Variants in GRIP2 observed in about 807,000 individuals in gnomAD.
GRIP2 encodes glutamate receptor-interacting protein 2.
Under a neutral mutation model 108.3 loss-of-function variants are expected in GRIP2, and 58 were observed. The observed-to-expected ratio is 0.54, with a 90% confidence interval of 0.43 to 0.67. The LOEUF (loss-of-function observed/expected upper bound fraction) is 0.67, where lower values mean the gene tolerates loss of function less well. Ranked by LOEUF, GRIP2 falls within the 30% of genes least tolerant of loss-of-function variation. The pLI is 0.00. For missense variants in GRIP2, 1,278 were observed against 1,430.6 expected (o/e 0.89, Z 1.72); for synonymous variants, 586 against 598.2 (o/e 0.98, Z 0.30).
Position 14,494,610 on chromosome 3 carries a change from G to A in GRIP2, c.2970+233C>T, listed in dbSNP as rs556293720. ...AGATGGGCGGATGCTCCATCAGCCCGGGACAAGAAGGCCCCCACCAGCCCA... is the reference window on the plus strand; with the variant it reads ...AGATGGGCGGATGCTCCATCAGCCCAGGACAAGAAGGCCCCCACCAGCCCA... On this transcript the variant is annotated intron_variant, in intron 23 of 23. Coordinates refer to ENST00000621039, the MANE Select transcript of GRIP2 (RefSeq NM_001080423.4). Among the ~76,000 whole-genome samples, 6 of 152,328 alleles carry A rather than the reference G, an allele frequency of 3.9e-5. No homozygotes were observed. The South Asian group carries it at 8.3e-4, about 21-fold the overall frequency.
chr3:14,591,725 G>T, the GRIP2 span, among the ~76,000 whole-genome samples: 1 of 152,204 alleles, frequency 6.6e-6, no homozygotes, highest in Non-Finnish European at 1.5e-5. Flanking sequence ...TGATTTCAGA[G>T]AAAGCTGTGG....
chr3:14,517,814 T>A lies in GRIP2; in HGVS notation c.1114A>T (p.Met372Leu). Residue 372 changes from methionine to leucine, a missense_variant, in exon 10 of 24, where the codon ATG (methionine) becomes TTG (leucine). Transcript: ENST00000621039. ...CCAGCAGGTGTGGCCCAGGTGGGCA[T>A]CCTGCAGTGGCCGGGCCGGGGGCTG... The part of the protein sequence containing the change: ...CHSPRPGHCR[M>L]PTWATPAGQD... 6.2e-7 allele frequency: 1 copy of A among 1,608,014 alleles called. No individual in the cohort carries two copies. The highest frequency in any genetic ancestry group is 1.7e-5 in the Admixed American group (1 of 59,166).
At chr3:14,538,903 G>C (rs747770879) in intron 1 of GRIP2, among the ~76,000 whole-genome samples, 2 of 152,218 alleles carry the variant, frequency 1.3e-5, no homozygotes, top group African/African-American at 2.4e-5. Flanking sequence ...TGAGGAGGGG[G>C]AGACACCTCC....
chr3:14,586,806 G>C, the GRIP2 span, among the ~76,000 whole-genome samples: 2 of 152,184 alleles, frequency 1.3e-5, no homozygotes, highest in East Asian at 3.9e-4. Context: ...AACCATGGGG[G>C]AACAGGTAAA....
chr3:14,602,016 G>C, the GRIP2 span: 1 of 152,340 alleles, frequency 6.6e-6, no homozygotes, highest in African/African-American at 2.4e-5. This position sits in a 1 kb window ranked among gnomAD's most constrained non-coding sequence, Gnocchi z 4.7. Flanking sequence ...GCCCTCCTAA[G>C]GGGGTGATTG....
Position 14,506,945 on chromosome 3 carries a change from C to T in GRIP2, c.2254G>A (p.Glu752Lys). The change falls in exon 19 of 24, where the codon GAG becomes AAG. Residue 752 changes from glutamate (E) to lysine (K), a missense_variant. Physicochemically the swap from Glu to Lys is moderately conservative, Grantham distance 56. Transcript: ENST00000621039. ...LLPRKSGSLS[E>K]TSDADEDPAD... is the part of the protein sequence containing the mutation. Reference sequence around the variant, plus strand: ...GGGTCCTCATCAGCATCACTGGTCTCACTGAGGCTGCCCGACTTGCGGGGT... The same window carrying T: ...GGGTCCTCATCAGCATCACTGGTCTTACTGAGGCTGCCCGACTTGCGGGGT... The T allele has an allele frequency of 6.2e-7, 1 of 1,607,722 alleles. No individual in the cohort carries two copies. Among genetic ancestry groups the T allele is most frequent in the Non-Finnish European group, 8.5e-7 (1 of 1,177,138 alleles).
chr3:14,513,890 C>A lies in GRIP2; in HGVS notation c.1494-80G>T, dbSNP rs182239088. The A allele has an allele frequency of 8.9e-5, 135 of 1,524,938 alleles. No homozygotes were observed. In the African/African-American group the frequency reaches 1.7e-3, roughly 19 times the overall value. The allele number at this position is 1,524,938 out of a possible 1,614,324, so 94.5% of individuals were successfully genotyped here. Reference sequence around the variant, plus strand: ...GACAAGAACGCCATGCAGGGCAGGACTGAACCTGGGTCACACCTCCTGGTC... The same window carrying A: ...GACAAGAACGCCATGCAGGGCAGGAATGAACCTGGGTCACACCTCCTGGTC... On this transcript the variant is annotated intron_variant, in intron 12 of 23. Coordinates refer to ENST00000621039, the MANE Select transcript of GRIP2 (RefSeq NM_001080423.4).
chr3:14,494,868 A>G lies in GRIP2; in HGVS notation c.2945T>C (p.Leu982Pro). 1 of 1,613,632 alleles carries G rather than the reference A, an allele frequency of 6.2e-7. No individual in the cohort carries two copies. Among genetic ancestry groups the G allele is most frequent in the Non-Finnish European group, 8.5e-7 (1 of 1,179,682 alleles). ...RPDGPAHRGG[L>P]QPFDRVLQVN... is the part of the protein sequence containing the mutation. ...CTGCAGGACCCTGTCGAAGGGCTGG[A>G]GGCCTCCACGGTGGGCTGGCCCATC... The change falls in exon 23 of 24, where the codon CTC (leucine) becomes CCC (proline). Residue 982 changes from leucine (L) to proline (P), a missense_variant. Transcript: ENST00000621039.
At position 14,507,522 on chromosome 3, in the gene GRIP2, AC is replaced by A; in HGVS notation, c.2218+38del. Reference sequence around the variant, plus strand: ...GGCACAGAGGGATTGCCCTTCCTAAACCTGCTGGGTGGCTCCCAGGGGATGA... The same window carrying A: ...GGCACAGAGGGATTGCCCTTCCTAAACTGCTGGGTGGCTCCCAGGGGATGA... On this transcript the variant is annotated intron_variant, in intron 18 of 23. Coordinates refer to ENST00000621039, the MANE Select transcript of GRIP2 (RefSeq NM_001080423.4). This position sits in a 1 kb window ranked among gnomAD's most constrained non-coding sequence, Gnocchi z 4.6. 6.2e-7 allele frequency: 1 copy of A among 1,605,108 alleles called. No homozygotes were observed.
intron 21 of GRIP2, among the ~76,000 whole-genome samples, chr3:14,500,778 G>A (rs1472502367): frequency 1.3e-5 from 2 of 152,030 alleles, no homozygotes; most frequent in Non-Finnish European, 2.9e-5. Flanking sequence ...GAAAAAAAGG[G>A]GTATGCAAGA....
chr3:14,514,357 G>A lies in GRIP2; in HGVS notation c.1428C>T (p.Phe476=), dbSNP rs780552136. Residue 476 remains phenylalanine, a synonymous_variant, in exon 12 of 24, where the codon TTC becomes TTT. Coordinates refer to ENST00000621039, the MANE Select transcript of GRIP2 (RefSeq NM_001080423.4). ...GTGGGGAGGACAGGGTCTCGGTGGC[G>A]AAGATGCCGCCCTGGAGCTGGAGGC... is the stretch of plus-strand genomic sequence containing the variant. ...GFGLQLQGGI[F]ATETLSSPPL... is the part of the protein sequence containing the mutation. 17 of 1,575,154 alleles carry A rather than the reference G, an allele frequency of 1.1e-5. No individual in the cohort carries two copies. The highest frequency in any genetic ancestry group is 2.3e-5 in the East Asian group (1 of 42,754).
chr3:14,538,571 A>G (rs1694888359), intron 1 of GRIP2, among the ~76,000 whole-genome samples: 1 of 152,216 alleles, frequency 6.6e-6, no homozygotes, highest in Non-Finnish European at 1.5e-5. Flanking sequence ...CTGAAGCTCC[A>G]TCTTTACACT....
At chr3:14,574,860 A>G in the GRIP2 span, 1 of 313,352 alleles carries the variant, frequency 3.2e-6, no homozygotes, top group Admixed American at 4.7e-5. Flanking sequence ...ATGAATATCA[A>G]AAACATCATG....
Position 14,494,837 on chromosome 3 carries a change from C to A in GRIP2, c.2970+6G>T, listed in dbSNP as rs761718639. 6.2e-7 allele frequency: 1 copy of A among 1,609,736 alleles called. No individual in the cohort carries two copies. Among genetic ancestry groups the A allele is most frequent in the Admixed American group, 1.7e-5 (1 of 59,638 alleles). On this transcript the variant is annotated splice_donor_region_variant and intron_variant, in intron 23 of 23. Coordinates refer to ENST00000621039, the MANE Select transcript of GRIP2 (RefSeq NM_001080423.4). ...CCCCACTATGGAGCCCCTGCCCCAG[C>A]ATTACCTGCAGGACCCTGTCGAAGG...
upstream of GRIP2, among the ~76,000 whole-genome samples, chr3:14,558,180 T>C (rs952882943): frequency 5.9e-5 from 9 of 152,176 alleles, no homozygotes; most frequent in East Asian, 9.7e-4. Flanking sequence ...AAACTGAAGC[T>C]CAGAGAGGTG....
At chr3:14,588,573 C>T in the GRIP2 span, among the ~76,000 whole-genome samples, 1 of 152,172 alleles carries the variant, frequency 6.6e-6, no homozygotes, top group Non-Finnish European at 1.5e-5. Flanking sequence ...ACAGCTGCAC[C>T]CACCTGCCTG....
chr3:14,519,810 G>C (rs1273928618), intron 9 of GRIP2, among the ~76,000 whole-genome samples: 3 of 152,210 alleles, frequency 2.0e-5, no homozygotes, highest in Non-Finnish European at 4.4e-5. Flanking sequence ...GTAGCAGAGA[G>C]CACAGGACTG....
the GRIP2 span, among the ~76,000 whole-genome samples, chr3:14,590,732 G>A: frequency 1.3e-5 from 2 of 152,210 alleles, no homozygotes; most frequent in Non-Finnish European, 2.9e-5. Context: ...TAGCAAGTGA[G>A]TTCAAAGTCT....
chr3:14,538,327 T>C (rs1033646544), intron 1 of GRIP2, among the ~76,000 whole-genome samples: 1 of 152,186 alleles, frequency 6.6e-6, no homozygotes, highest in African/African-American at 2.4e-5. Context: ...GGGCATGTGA[T>C]ACAAGTTGGA....
Sources: allele counts gnomAD v4.1 joint callset (sites outside exome capture counted in the v4.1 genomes callset), GRCh38; gene constraint gnomAD v4.1.1; non-coding constraint Gnocchi (gnomAD v3.1); transcripts MANE v1.5; gene names NCBI Gene and HGNC (gene_info 2026-07-23, HGNC 2026-07-21).